ECM2: variants seen among roughly 807,000 people sequenced by gnomAD.
ECM2 encodes extracellular matrix protein 2, female organ and adipocyte specific.
In ECM2, 57 loss-of-function variants were observed where a neutral mutation model predicts 67.5. The ratio of observed to expected loss-of-function variants is 0.84; its 90% CI spans 0.68 to 1.05. The LOEUF (loss-of-function observed/expected upper bound fraction) is 1.05, where lower values mean the gene tolerates loss of function less well. Ranked by LOEUF, ECM2 falls within the 50% of genes least tolerant of loss-of-function variation. ECM2 has a pLI of 0.00. For synonymous variants in ECM2, 258 were observed against 294.5 expected (o/e 0.88, Z 1.27); for missense variants, 741 against 822.8 (o/e 0.90, Z 1.22).
chr9:92,497,256 A>T (rs1010353697), intron 9 of ECM2, among the ~76,000 whole-genome samples: 2 of 152,106 alleles, frequency 1.3e-5, no homozygotes, highest in Non-Finnish European at 2.9e-5. Flanking sequence ...GTATATCTGC[A>T]TAATATTCAG....
chr9:92,528,523 C>G (rs760311114), intron 1 of ECM2, among the ~76,000 whole-genome samples: 2 of 149,168 alleles, frequency 1.3e-5, no homozygotes, highest in Non-Finnish European at 3.0e-5. Flanking sequence ...GGGAAAAGAA[C>G]TAACCTAAAG....
rs535499201 is a variant in ECM2 at position 92,495,384 on chromosome 9, A to G, written c.*931T>C. 1.6e-5 allele frequency: 16 copies of G among 982,712 alleles called. No homozygotes were observed. The African/African-American group carries it at 1.9e-4, about 12-fold the overall frequency. The allele number at this position is 982,712 out of a possible 1,614,324, so 60.9% of individuals were successfully genotyped here. On this transcript the variant is annotated 3_prime_UTR_variant, in exon 10 of 10. Transcript: ENST00000344604. ...ATAGTAAAGACATAGCTTTATTTCA[A>G]TTGAACCGAATAAAATGATGTATTT...
the ECM2 span, among the ~76,000 whole-genome samples, chr9:92,553,867 A>T: frequency 1.3e-5 from 2 of 152,264 alleles, no homozygotes; most frequent in East Asian, 3.9e-4. Context: ...GCAAACAGTG[A>T]CAGTTTGACT....
At chr9:92,555,284 A>G in the ECM2 span, among the ~76,000 whole-genome samples, 1 of 130,580 alleles carries the variant, frequency 7.7e-6, no homozygotes, top group Non-Finnish European at 1.5e-5. Flanking sequence ...CTGGAGTACA[A>G]TGGCGTGATC....
At chr9:92,536,367 AT>A (rs1470482956), upstream of ECM2, among the ~76,000 whole-genome samples, 3 of 152,188 alleles carry the variant, frequency 2.0e-5, no homozygotes, top group Non-Finnish European at 4.4e-5. Context: ...GCTTTATCAG[AT>A]TATAGGGATG....
Position 92,495,651 on chromosome 9 carries a change from A to G in ECM2, c.*664T>C. On this transcript the variant is annotated 3_prime_UTR_variant, in exon 10 of 10. Coordinates refer to ENST00000344604, the MANE Select transcript of ECM2 (RefSeq NM_001393.4). ...ATTATAGAAAAGTTTCAAAAAGAGT[A>G]TAGAATTTATGCACACCCTTCTGCC... is the stretch of plus-strand genomic sequence containing the variant. 3 of 910,502 alleles carry G rather than the reference A, an allele frequency of 3.3e-6. No individual in the cohort carries two copies. Among genetic ancestry groups the G allele is most frequent in the Non-Finnish European group, 3.9e-6 (3 of 761,686 alleles). The allele number at this position is 910,502 out of a possible 1,614,324, so 56.4% of individuals were successfully genotyped here. A position where few individuals can be genotyped will look rare whatever the true frequency, so the allele number is the denominator to read the frequency against.
intron 9 of ECM2, among the ~76,000 whole-genome samples, chr9:92,496,758 G>C (rs1846366933): frequency 6.6e-6 from 1 of 152,136 alleles, no homozygotes; most frequent in African/African-American, 2.4e-5. Context: ...AAAATTTACT[G>C]CAGGTTTTAA....
At chr9:92,544,781 T>C in the ECM2 span, among the ~76,000 whole-genome samples, 119 of 150,028 alleles carry the variant, frequency 7.9e-4, no homozygotes, top group Non-Finnish European at 1.4e-3. Flanking sequence ...AGTGGCGCGA[T>C]CTCAGCTCAC....
Position 92,496,170 on chromosome 9 carries a change from G to T in ECM2, c.*145C>A. 7.3e-7 allele frequency: 1 copy of T among 1,362,774 alleles called. No individual in the cohort carries two copies. The highest frequency in any genetic ancestry group is 9.4e-7 in the Non-Finnish European group (1 of 1,063,922). 84.4% of individuals were successfully genotyped at this position (1,362,774 alleles called of 1,614,324 possible). On this transcript the variant is annotated 3_prime_UTR_variant, in exon 10 of 10. Transcript: ENST00000344604. ...TATACCTTTTAGGTATATTTTGGTT[G>T]TTCATCTGTGTGTTAGTGAATCAGG...
chr9:92,552,152 GATCT>G, the ECM2 span, among the ~76,000 whole-genome samples: 3 of 138,480 alleles, frequency 2.2e-5, no homozygotes, highest in Non-Finnish European at 4.6e-5. Flanking sequence ...TGATATGATA[GATCT>G]ATCATATATA....
chr9:92,510,052 A>G lies in ECM2; in HGVS notation c.1171-18T>C. 1 of 1,584,148 alleles carries G rather than the reference A, an allele frequency of 6.3e-7. No homozygotes were observed. Among genetic ancestry groups the G allele is most frequent in the Non-Finnish European group, 8.5e-7 (1 of 1,170,612 alleles). ...TTCAGAAGCTTAAAAAGCAAATCTC[A>G]AAGTTACTTTTTTATCTAGTCACAG... On this transcript the variant is annotated intron_variant, in intron 5 of 9. Transcript: ENST00000344604.
At chr9:92,521,546 C>T (rs1383161661) in intron 2 of ECM2, among the ~76,000 whole-genome samples, 1 of 152,104 alleles carries the variant, frequency 6.6e-6, no homozygotes, top group African/African-American at 2.4e-5. Flanking sequence ...ATACTGGCCA[C>T]AGAACATTAT....
chr9:92,518,062 C>T (rs986582955), intron 2 of ECM2, among the ~76,000 whole-genome samples, 187 bp from the exon 3 acceptor site: 1 of 152,208 alleles, frequency 6.6e-6, no homozygotes. Flanking sequence ...ACAGGCTCTC[C>T]TCTCAGCCCT....
intron 9 of ECM2, among the ~76,000 whole-genome samples, chr9:92,499,788 G>A (rs2131147691): frequency 6.6e-6 from 1 of 152,262 alleles, no homozygotes; most frequent in Admixed American, 6.5e-5. Context: ...TAGAGAAGGG[G>A]AAAGACTAAG....
chr9:92,522,939 C>T, intron 1 of ECM2, 46 bp from the exon 2 acceptor site: 1 of 1,489,646 alleles, frequency 6.7e-7, no homozygotes. Context: ...TAAATTTTTA[C>T]TTCTGAAAAT....
intron 3 of ECM2, among the ~76,000 whole-genome samples, chr9:92,515,883 C>T (rs558697317): frequency 4.6e-5 from 7 of 152,220 alleles, no homozygotes; most frequent in Admixed American, 1.3e-4. Flanking sequence ...GACATATGCC[C>T]AGGAGTGCTG....
the ECM2 span, among the ~76,000 whole-genome samples, chr9:92,547,898 G>A: frequency 2.0e-5 from 3 of 152,094 alleles, no homozygotes; most frequent in African/African-American, 7.2e-5. Context: ...CCCACTGAAG[G>A]CCCTGGCCAG....
chr9:92,504,340 A>C (rs369088706), intron 7 of ECM2, among the ~76,000 whole-genome samples: 1 of 152,196 alleles, frequency 6.6e-6, no homozygotes, highest in East Asian at 1.9e-4. Context: ...TAGCCATGAC[A>C]GCCACATAAG....
At chr9:92,548,501 C>T in the ECM2 span, among the ~76,000 whole-genome samples, 1 of 152,016 alleles carries the variant, frequency 6.6e-6, no homozygotes. Context: ...AACTTTTCTA[C>T]AACACAAATG....
Sources: allele counts gnomAD v4.1 joint callset (sites outside exome capture counted in the v4.1 genomes callset), GRCh38; gene constraint gnomAD v4.1.1; transcripts MANE v1.5; gene names NCBI Gene and HGNC (gene_info 2026-07-23, HGNC 2026-07-21).